Variants in HDX observed in about 807,000 individuals in gnomAD.
HDX encodes highly divergent homeobox.
Under a neutral mutation model 45.2 loss-of-function variants are expected in HDX, and 19 were observed. The observed-to-expected ratio is 0.42, with a 90% CI of 0.29 to 0.62. The LOEUF (loss-of-function observed/expected upper bound fraction) is 0.62, where lower values mean the gene tolerates loss of function less well. Ranked by LOEUF, HDX falls within the 20% of genes least tolerant of loss-of-function variation. The pLI is 0.20. For synonymous variants in HDX, 188 were observed against 172.8 expected (o/e 1.09, Z -0.69); for missense variants, 532 against 493.9 (o/e 1.08, Z -0.73).
chrX:84,382,616 C>T (rs1034542169), intron 5 of HDX, among the ~76,000 whole-genome samples: 2 of 111,509 alleles, frequency 1.8e-5, no homozygotes, highest in Non-Finnish European at 3.8e-5. Context: ...ATCACATGTT[C>T]TCAGTTATTT....
intron 5 of HDX, among the ~76,000 whole-genome samples, chrX:84,365,672 C>T (rs193265741): frequency 8.9e-6 from 1 of 111,829 alleles, no homozygotes; most frequent in Non-Finnish European, 1.9e-5. Context: ...TCTGCTGGAA[C>T]ACAATGGGGA....
At chrX:84,478,184 G>T (rs1208375901) in intron 2 of HDX, among the ~76,000 whole-genome samples, 2 of 111,759 alleles carry the variant, frequency 1.8e-5, no homozygotes, top group African/African-American at 6.5e-5. Flanking sequence ...AGGCTCTTAA[G>T]TTTATATATC....
Position 84,376,817 on chromosome X carries a change from A to G in HDX, c.1306-15205T>C, listed in dbSNP as rs188458688. Among the ~76,000 whole-genome samples, 117 of 112,535 alleles carry G rather than the reference A, an allele frequency of 1.0e-3. 2 individuals carry two copies. Among genetic ancestry groups the G allele is most frequent in the Admixed American group, 1.0e-2 (106 of 10,651 alleles). On this transcript the variant is annotated intron_variant, in intron 5 of 10. Coordinates refer to ENST00000373177, the MANE Select transcript of HDX (RefSeq NM_001177479.2). ...ACCTCTGGACCCACCTGGGGCCTGGAGAACCTCCCTGCCCTGAAGGGAAGG... is the reference window on the plus strand; with the variant it reads ...ACCTCTGGACCCACCTGGGGCCTGGGGAACCTCCCTGCCCTGAAGGGAAGG...
At chrX:84,498,964 G>A (rs2041065823) in intron 1 of HDX, among the ~76,000 whole-genome samples, 1 of 111,085 alleles carries the variant, frequency 9.0e-6, no homozygotes, top group African/African-American at 3.3e-5. Flanking sequence ...AGTCAAACCC[G>A]TGATTGGGTC....
At chrX:84,475,727 G>T (rs910183546) in intron 2 of HDX, among the ~76,000 whole-genome samples, 4 of 111,951 alleles carry the variant, frequency 3.6e-5, no homozygotes, top group African/African-American at 1.3e-4. Context: ...AATATTTATG[G>T]CTAGTAAAGT....
intron 5 of HDX, among the ~76,000 whole-genome samples, chrX:84,389,528 A>ATG (rs2038394488): frequency 9.0e-6 from 1 of 111,428 alleles, no homozygotes; most frequent in African/African-American, 3.3e-5. Flanking sequence ...AGGATGTCCC[A>ATG]AGGCTTGGAG....
At chrX:84,456,380 A>G (rs192820524) in intron 4 of HDX, among the ~76,000 whole-genome samples, 2 of 111,641 alleles carry the variant, frequency 1.8e-5, no homozygotes, top group Non-Finnish European at 3.8e-5. Context: ...ATTAAAAAGC[A>G]TACAATGGAT....
At chrX:84,444,306 AG>A (rs1486932306) in intron 4 of HDX, among the ~76,000 whole-genome samples, 1 of 111,352 alleles carries the variant, frequency 9.0e-6, no homozygotes, top group African/African-American at 3.3e-5. Flanking sequence ...GTAGCCATTG[AG>A]GGCATTCAAA....
At chrX:84,492,911 CT>C (rs11390246) in intron 1 of HDX, among the ~76,000 whole-genome samples, 1,579 of 96,503 alleles carry the variant, frequency 0.016, 29 homozygotes, top group African/African-American at 0.048. Context: ...TTACAAAAAG[CT>C]TTTTTTTTTT....
At chrX:84,345,138 A>G (rs190298973) in intron 6 of HDX, among the ~76,000 whole-genome samples, 2 of 111,573 alleles carry the variant, frequency 1.8e-5, no homozygotes, top group African/African-American at 6.5e-5. Flanking sequence ...TTTGTAATGA[A>G]ATCATTTTAG....
At chrX:84,344,924 C>G (rs1464979713) in intron 6 of HDX, among the ~76,000 whole-genome samples, 2 of 110,978 alleles carry the variant, frequency 1.8e-5, no homozygotes, top group Admixed American at 9.7e-5. Context: ...TTCACCAAAT[C>G]TTTTAAAAGA....
intron 6 of HDX, among the ~76,000 whole-genome samples, chrX:84,355,731 G>T (rs1184357677): frequency 9.1e-6 from 1 of 109,533 alleles, no homozygotes; most frequent in Non-Finnish European, 1.9e-5. Flanking sequence ...AGGGGGGAGG[G>T]ATAGCATTAG....
At position 84,410,203 on chromosome X, in the gene HDX, G is replaced by C. The variant is rs188699846; in HGVS notation, c.1305+30329C>G. Among the ~76,000 whole-genome samples the C allele has an allele frequency of 3.5e-3, 387 of 110,697 alleles. 3 individuals carry two copies. Among genetic ancestry groups the C allele is most frequent in the African/African-American group, 0.012 (374 of 30,401 alleles). On this transcript the variant is annotated intron_variant, in intron 5 of 10. Coordinates refer to ENST00000373177, the MANE Select transcript of HDX (RefSeq NM_001177479.2). Reference sequence around the variant, plus strand: ...ATTTCCAGGACTATGGTGAATAAGAGAGATGAGAGAGATCATTTTTGTCTT... The same window carrying C: ...ATTTCCAGGACTATGGTGAATAAGACAGATGAGAGAGATCATTTTTGTCTT...
intron 5 of HDX, among the ~76,000 whole-genome samples, chrX:84,416,865 C>A (rs1171755015): frequency 9.0e-6 from 1 of 111,079 alleles, no homozygotes; most frequent in Non-Finnish European, 1.9e-5. Flanking sequence ...ATAGAAAGTT[C>A]CAGTCCTGGC....
intron 2 of HDX, among the ~76,000 whole-genome samples, chrX:84,486,714 A>C (rs1191240079): frequency 2.7e-5 from 3 of 109,766 alleles, no homozygotes; most frequent in Non-Finnish European, 5.7e-5. Flanking sequence ...TCAGTCATTC[A>C]TACCCTTGTT....
chrX:84,448,898 A>G (rs755654499), intron 4 of HDX, among the ~76,000 whole-genome samples: 3 of 110,576 alleles, frequency 2.7e-5, no homozygotes, highest in Admixed American at 1.9e-4. Context: ...CAAAGAAATC[A>G]GAAAAACAAT....
chrX:84,356,563 C>T (rs1200664456), intron 6 of HDX, among the ~76,000 whole-genome samples: 2 of 107,928 alleles, frequency 1.9e-5, no homozygotes, highest in African/African-American at 3.4e-5. Context: ...GTAAGTGTGC[C>T]TAAAATCTCT....
intron 10 of HDX, among the ~76,000 whole-genome samples, chrX:84,324,473 C>T (rs1470320391): frequency 9.0e-6 from 1 of 111,146 alleles, no homozygotes; most frequent in Non-Finnish European, 1.9e-5. Flanking sequence ...TATACTCATT[C>T]TTAATTATAC....
chrX:84,403,387 T>A (rs1203556546), intron 5 of HDX, among the ~76,000 whole-genome samples: 1 of 111,508 alleles, frequency 9.0e-6, no homozygotes, highest in Non-Finnish European at 1.9e-5. Context: ...TTTAATATAC[T>A]ACAAAATTAT....
Sources: allele counts gnomAD v4.1 joint callset (sites outside exome capture counted in the v4.1 genomes callset), GRCh38; gene constraint gnomAD v4.1.1; transcripts MANE v1.5; gene names NCBI Gene and HGNC (gene_info 2026-07-23, HGNC 2026-07-21).